The following DDX59 variants were observed in gnomAD, a reference collection of about 807,000 sequenced individuals.
The protein encoded by DDX59 is probable ATP-dependent RNA helicase DDX59.
Under a neutral mutation model 51.9 loss-of-function variants are expected in DDX59, and 30 were observed. The ratio of observed to expected loss-of-function variants is 0.58; its 90% confidence interval spans 0.43 to 0.78. DDX59 has a LOEUF of 0.78. DDX59 is among the 30% of genes least tolerant of loss of function. DDX59 has a pLI of 0.00. For synonymous variants in DDX59, 255 were observed against 253.3 expected, an observed-to-expected ratio of 1.01 and a Z score of -0.06; for missense variants, 672 against 730.8, an observed-to-expected ratio of 0.92 and a Z score of 0.93.
Position 200,666,582 on chromosome 1 carries a change from G to A in DDX59, c.159C>T (p.Asp53=). 6.2e-7 allele frequency: 1 copy of A among 1,614,212 alleles called. No individual in the cohort carries two copies. Among genetic ancestry groups the A allele is most frequent in the Non-Finnish European group, 8.5e-7 (1 of 1,180,036 alleles). Residue 53 remains aspartate (D), a synonymous_variant, in exon 2 of 8, where the codon GAC becomes GAT. Transcript: ENST00000331314. ...DAVATEAATI[D]RHISESCPFP... ...AAGGGCATGATTCGCTGATGTGCCT[G>A]TCTATTGTGGCTGCTTCTGTAGCTA...
intron 3 of DDX59, among the ~76,000 whole-genome samples, chr1:200,659,782 A>G (rs2102899805): frequency 6.6e-6 from 1 of 152,212 alleles, no homozygotes; most frequent in East Asian, 1.9e-4. Context: ...CAACTTCCCC[A>G]GCTCCAGGGG....
At chr1:200,641,297 C>A (rs1661040789), downstream of DDX59, 1 of 1,120,202 alleles carries the variant, frequency 8.9e-7, no homozygotes, top group South Asian at 1.3e-5. Context: ...GAAAATATGA[C>A]AGGTCGTGGA....
intron 3 of DDX59, among the ~76,000 whole-genome samples, chr1:200,660,517 G>A (rs890871587): frequency 4.6e-5 from 7 of 152,128 alleles, no homozygotes; most frequent in Admixed American, 4.6e-4. Flanking sequence ...GGTGAGGAGG[G>A]CATCGCTGTG....
chr1:200,658,652 C>T (rs1051961326), intron 4 of DDX59, among the ~76,000 whole-genome samples: 102 of 152,082 alleles, frequency 6.7e-4, no homozygotes, highest in African/African-American at 2.5e-3. Context: ...GCTGTGTTTC[C>T]GTCACTGCAC....
chr1:200,649,313 T>C, intron 5 of DDX59, 87 bp from the exon 6 acceptor site: 1 of 1,261,066 alleles, frequency 7.9e-7, no homozygotes. Context: ...CACAAGCTAG[T>C]TATCAATAGA....
chr1:200,643,438 T>C (rs563559830), downstream of DDX59, among the ~76,000 whole-genome samples: 166 of 151,938 alleles, frequency 1.1e-3, no homozygotes, highest in African/African-American at 3.6e-3. Context: ...AGTCAGGAGA[T>C]TGAGACCATC....
chr1:200,664,684 T>C (rs1407337290), intron 2 of DDX59, among the ~76,000 whole-genome samples: 1 of 152,202 alleles, frequency 6.6e-6, no homozygotes, highest in Admixed American at 6.5e-5. Context: ...GCCCACTTTT[T>C]TTTTTTTGAA....
rs564082520 is a variant in DDX59 at position 200,668,154 on chromosome 1, A to C, written c.-11-1403T>G. The stretch of plus-strand genomic sequence containing the variant: ...TCTATTAAAACAAAACAAAACAAAA[A>C]AAATTAGCCGGGCGTTGGCGGCAGG... On this transcript the variant is annotated intron_variant, in intron 1 of 7. Coordinates refer to ENST00000331314, the MANE Select transcript of DDX59 (RefSeq NM_001031725.6). 1.5e-3 allele frequency among the ~76,000 whole-genome samples: 234 copies of C among 152,176 alleles called. 1 individual carries two copies. The highest frequency in any genetic ancestry group is 5.5e-3 in the African/African-American group (228 of 41,510).
downstream of DDX59, among the ~76,000 whole-genome samples, chr1:200,642,307 T>G (rs982307811): frequency 6.6e-6 from 1 of 152,202 alleles, no homozygotes; most frequent in Non-Finnish European, 1.5e-5. Context: ...ATTTAAAATT[T>G]TATAATATAG....
At chr1:200,669,214 T>C (rs1218787178) in intron 1 of DDX59, among the ~76,000 whole-genome samples, 1 of 152,250 alleles carries the variant, frequency 6.6e-6, no homozygotes, top group Non-Finnish European at 1.5e-5. Context: ...ATCTGGGGAC[T>C]ATCAAATATA....
intron 4 of DDX59, among the ~76,000 whole-genome samples, chr1:200,657,969 T>C (rs1451856728): frequency 6.6e-6 from 1 of 152,198 alleles, no homozygotes; most frequent in East Asian, 1.9e-4. Flanking sequence ...GCCATAGCTC[T>C]AGAAGATTAA....
At chr1:200,649,320 T>C in intron 5 of DDX59, 94 bp from the exon 6 acceptor site, 1 of 1,234,522 alleles carries the variant, frequency 8.1e-7, no homozygotes, top group Non-Finnish European at 1.1e-6. Flanking sequence ...TAGTTATCAA[T>C]AGATTTATAA....
At chr1:200,643,768 C>G (rs935731970), downstream of DDX59, among the ~76,000 whole-genome samples, 7 of 152,086 alleles carry the variant, frequency 4.6e-5, no homozygotes, top group African/African-American at 1.7e-4. Flanking sequence ...ACAGCATTAA[C>G]CAAGCAGAAG....
At position 200,666,636 on chromosome 1, in the gene DDX59, G is replaced by A; in HGVS notation, c.105C>T (p.Asp35=). 6.2e-7 allele frequency: 1 copy of A among 1,614,196 alleles called. No homozygotes were observed. The highest frequency in any genetic ancestry group is 8.5e-7 in the Non-Finnish European group (1 of 1,180,042). Residue 35 remains aspartate, a synonymous_variant, in exon 2 of 8, where the codon GAC becomes GAT. Transcript: ENST00000331314. ...IKPDPEDLQL[D]KSRDVPVDAV... Reference sequence around the variant, plus strand: ...CATCAACGGGAACATCTCTGCTTTTGTCCAACTGAAGGTCTTCTGGGTCTG... The same window carrying A: ...CATCAACGGGAACATCTCTGCTTTTATCCAACTGAAGGTCTTCTGGGTCTG...
At chr1:200,663,448 A>T (rs1021105658) in intron 3 of DDX59, among the ~76,000 whole-genome samples, 20 of 152,256 alleles carry the variant, frequency 1.3e-4, no homozygotes, top group African/African-American at 4.6e-4. Flanking sequence ...GAATCAGACC[A>T]CATTGCTTTT....
chr1:200,657,230 G>A (rs1400172034), intron 4 of DDX59, among the ~76,000 whole-genome samples: 1 of 138,934 alleles, frequency 7.2e-6, no homozygotes, highest in Admixed American at 7.5e-5. Flanking sequence ...CAGTCTGGGT[G>A]ACAGAGGGAA....
At chr1:200,657,993 G>C (rs1662140085) in intron 4 of DDX59, among the ~76,000 whole-genome samples, 1 of 152,184 alleles carries the variant, frequency 6.6e-6, no homozygotes, top group Non-Finnish European at 1.5e-5. Flanking sequence ...GCTTGCCTAA[G>C]CTCTCATGGG....
At position 200,666,532 on chromosome 1, in the gene DDX59, G is replaced by A. The variant is rs1184471514; in HGVS notation, c.209C>T (p.Ala70Val). 1 of 1,614,192 alleles carries A rather than the reference G, an allele frequency of 6.2e-7. No individual in the cohort carries two copies. The highest frequency in any genetic ancestry group is 2.2e-5 in the East Asian group (1 of 44,894). ...CTCGGGACTTACTGAATGAACCTCTGCCAACTGGCCACCTGGGCTGGGGAA... is the reference window on the plus strand; with the variant it reads ...CTCGGGACTTACTGAATGAACCTCTACCAACTGGCCACCTGGGCTGGGGAA... Reference protein sequence around the residue: ...CPFPSPGGQLAEVHSVSPEQG... With the variant: ...CPFPSPGGQLVEVHSVSPEQG... Residue 70 changes from alanine to valine, a missense_variant, in exon 2 of 8, where the codon GCA becomes GTA. Coordinates refer to ENST00000331314, the MANE Select transcript of DDX59 (RefSeq NM_001031725.6).
chr1:200,649,246 T>A lies in DDX59; in HGVS notation c.1315-20A>T. 1.3e-6 allele frequency: 2 copies of A among 1,541,400 alleles called. No individual in the cohort carries two copies. The highest frequency in any genetic ancestry group is 1.7e-6 in the Non-Finnish European group (2 of 1,147,426). ...CTTATCCTGAAAAATTAAAAACATATATCAAAAATTATTCATATAAAATAA... is the reference window on the plus strand; with the variant it reads ...CTTATCCTGAAAAATTAAAAACATAAATCAAAAATTATTCATATAAAATAA... On this transcript the variant is annotated intron_variant, in intron 5 of 7. Coordinates refer to ENST00000331314, the MANE Select transcript of DDX59 (RefSeq NM_001031725.6).
Sources: gnomAD v4.1 joint callset for allele counts (sites outside exome capture counted in the v4.1 genomes callset) on GRCh38, gnomAD v4.1.1 for gene constraint, MANE v1.5 for transcripts, NCBI Gene and HGNC (gene_info 2026-07-23, HGNC 2026-07-21) for gene names.